MARCHF8: variants seen among roughly 807,000 people sequenced by gnomAD.
The protein encoded by MARCHF8 is membrane associated ring-CH-type finger 8.
A neutral mutation model predicts 51.6 loss-of-function variants in MARCHF8; 40 were observed. That is an observed-to-expected ratio of 0.77 (90% CI 0.60 to 1.01). The LOEUF is 1.01. MARCHF8 is among the 50% of genes least tolerant of loss of function. The probability of loss-of-function intolerance (pLI) is 0.00; values close to 1 mark genes in which losing one functional copy is unlikely to be tolerated. For missense variants in MARCHF8, 685 were observed against 708.6 expected (o/e 0.97, Z 0.38); for synonymous variants, 263 against 280.3 (o/e 0.94, Z 0.62).
intron 1 of MARCHF8, chr10:45,553,273 A>G (rs563232755): frequency 6.6e-5 from 10 of 152,310 alleles, no homozygotes; most frequent in African/African-American, 1.7e-4. Context: ...GATGTTCCTA[A>G]AGTCTCAATC....
chr10:45,563,096 A>G (rs767747268), intron 1 of MARCHF8, among the ~76,000 whole-genome samples: 1 of 152,020 alleles, frequency 6.6e-6, no homozygotes, highest in Non-Finnish European at 1.5e-5. Context: ...GCACCATCAT[A>G]GCTCACTGCA....
rs371955162 is a variant in MARCHF8 at position 45,478,155 on chromosome 10, G to C, written c.153+11212C>G. On this transcript the variant is annotated intron_variant, in intron 3 of 7. Coordinates refer to ENST00000453424, the MANE Select transcript of MARCHF8 (RefSeq NM_001282866.2). ...ATTCTTCAGGATAGGCCACAGGTTA[G>C]GACACAAAACAAGTCTCAACAAAGT... Among the ~76,000 whole-genome samples, 7 of 152,246 alleles carry C rather than the reference G, an allele frequency of 4.6e-5. No homozygotes were observed. In the East Asian group the frequency reaches 1.3e-3, roughly 29 times the overall value.
In MARCHF8 at chr10:45,468,144, G is replaced by A. The variant is rs187555092; in HGVS notation, c.154-3817C>T. Among the ~76,000 whole-genome samples the A allele has an allele frequency of 3.9e-5, 6 of 152,242 alleles. No individual in the cohort carries two copies. The East Asian group carries it at 1.2e-3, about 29-fold the overall frequency. On this transcript the variant is annotated intron_variant, in intron 3 of 7. Coordinates refer to ENST00000453424, the MANE Select transcript of MARCHF8 (RefSeq NM_001282866.2). ...TTTTGCTACATCCAAGTCTTTTAGT[G>A]GCTGGCTTTGTTATCAAATTCACCA...
intron 1 of MARCHF8, among the ~76,000 whole-genome samples, chr10:45,544,676 A>C (rs1247743312): frequency 6.6e-6 from 1 of 152,196 alleles, no homozygotes; most frequent in Non-Finnish European, 1.5e-5. Flanking sequence ...CAGATCAGTG[A>C]TTGCCTCATG....
chr10:45,585,487 C>T (rs1490346497), intron 1 of MARCHF8, among the ~76,000 whole-genome samples: 1 of 152,134 alleles, frequency 6.6e-6, no homozygotes, highest in Non-Finnish European at 1.5e-5. Flanking sequence ...AGTTTACCCA[C>T]AATACAATTC....
upstream of MARCHF8, among the ~76,000 whole-genome samples, chr10:45,539,384 C>T (rs1000478742): frequency 7.2e-5 from 11 of 152,162 alleles, no homozygotes; most frequent in Non-Finnish European, 1.3e-4. Context: ...CTAAAATTGA[C>T]ACCTTAACAT....
Position 45,459,795 on chromosome 10 carries a change from T to C in MARCHF8, c.1270-528A>G, listed in dbSNP as rs979733318. 2.8e-5 allele frequency: 28 copies of C among 985,348 alleles called. No individual in the cohort carries two copies. The African/African-American group carries it at 3.5e-4, about 12-fold the overall frequency. The allele number at this position is 985,348 out of a possible 1,614,324, so 61.0% of individuals were successfully genotyped here. The stretch of plus-strand genomic sequence containing the variant: ...GCTCGAAATCGACGCTAAGAGTTCC[T>C]GGTACAAGCAGACTCTGCTAGTCCC... On this transcript the variant is annotated intron_variant, in intron 6 of 7. Coordinates refer to ENST00000453424, the MANE Select transcript of MARCHF8 (RefSeq NM_001282866.2).
intron 2 of MARCHF8, among the ~76,000 whole-genome samples, chr10:45,514,502 A>C (rs2043587591): frequency 6.6e-6 from 1 of 152,260 alleles, no homozygotes; most frequent in Non-Finnish European, 1.5e-5. Context: ...TGGACTTGTG[A>C]GGGCTTGCTG....
intron 6 of MARCHF8, 147 bp from the exon 7 acceptor site, chr10:45,459,414 A>C (rs1842717420): frequency 2.1e-6 from 2 of 966,450 alleles, no homozygotes; most frequent in Admixed American, 3.3e-5. Context: ...GTTCTCCTAA[A>C]ACCACTTGGC....
At chr10:45,584,685 ATAGAG>A (rs2044599562) in intron 1 of MARCHF8, among the ~76,000 whole-genome samples, 1 of 152,210 alleles carries the variant, frequency 6.6e-6, no homozygotes, top group Non-Finnish European at 1.5e-5. Flanking sequence ...CGGAGATAAA[ATAGAG>A]TAATCTAGAT....
At chr10:45,480,083 T>C (rs1419706457) in intron 3 of MARCHF8, among the ~76,000 whole-genome samples, 1 of 152,208 alleles carries the variant, frequency 6.6e-6, no homozygotes, top group African/African-American at 2.4e-5. Context: ...AAGGTGACTC[T>C]TGCTATGTTT....
intron 1 of MARCHF8, among the ~76,000 whole-genome samples, chr10:45,547,622 G>GT (rs2044143695): frequency 2.0e-5 from 3 of 152,000 alleles, no homozygotes. Flanking sequence ...CGGTTTTTTT[G>GT]TTTTTTGTTT....
At chr10:45,531,854 T>G (rs186966969) in intron 2 of MARCHF8, among the ~76,000 whole-genome samples, 15 of 152,204 alleles carry the variant, frequency 9.9e-5, no homozygotes, top group Admixed American at 8.5e-4. Flanking sequence ...AGCAAAAGAT[T>G]TTGGGTTGAA....
At chr10:45,527,458 G>C (rs2043812037) in intron 2 of MARCHF8, among the ~76,000 whole-genome samples, 1 of 151,914 alleles carries the variant, frequency 6.6e-6, no homozygotes, top group Non-Finnish European at 1.5e-5. Flanking sequence ...AAATACAAAA[G>C]ATCATCAGAG....
intron 1 of MARCHF8, among the ~76,000 whole-genome samples, chr10:45,578,110 G>A (rs1004778940): frequency 6.6e-6 from 1 of 152,150 alleles, no homozygotes; most frequent in African/African-American, 2.4e-5. Context: ...TGGCCACTGA[G>A]TAGGCCTAGA....
Position 45,456,567 on chromosome 10 carries a change from G to A in MARCHF8, c.*1672C>T, listed in dbSNP as rs1163181227. The A allele has an allele frequency of 6.6e-6, 1 of 152,138 alleles. No individual in the cohort carries two copies. Among genetic ancestry groups the A allele is most frequent in the Non-Finnish European group, 1.5e-5 (1 of 68,076 alleles). The allele number at this position is 152,138 out of a possible 1,614,324, so 9.4% of individuals were successfully genotyped here. ...CTCTGAAAGGCAAAGGAATCACCTC[G>A]TGTTTGCTTCATCCCCTTAGCAGGA... On this transcript the variant is annotated 3_prime_UTR_variant, in exon 8 of 8. Coordinates refer to ENST00000453424, the MANE Select transcript of MARCHF8 (RefSeq NM_001282866.2).
rs149004940 is a variant in MARCHF8 at position 45,463,651 on chromosome 10, C to T, written c.588G>A (p.Arg196=). The change falls in exon 5 of 8, where the codon AGG becomes AGA. Residue 196 remains arginine, a synonymous_variant. Transcript: ENST00000453424. Reference sequence around the variant, plus strand: ...GGGTTCTTTTTTCTTTATGATGAAACCTGTTAGTTCTGAGACACGTATCTT... The same window carrying T: ...GGGTTCTTTTTTCTTTATGATGAAATCTGTTAGTTCTGAGACACGTATCTT... ...LPQDTCLRTN[R]FHHKEKRTLN... is the part of the protein sequence containing the mutation. 1.9e-6 allele frequency: 3 copies of T among 1,550,694 alleles called. No homozygotes were observed. Among genetic ancestry groups the T allele is most frequent in the Non-Finnish European group, 2.6e-6 (3 of 1,147,024 alleles).
chr10:45,459,109 T>C lies in MARCHF8; in HGVS notation c.1417+11A>G, dbSNP rs754024649. The C allele has an allele frequency of 1.9e-6, 3 of 1,613,716 alleles. No individual in the cohort carries two copies. Among genetic ancestry groups the C allele is most frequent in the Non-Finnish European group, 1.7e-6 (2 of 1,179,938 alleles). ...CCCCCATGCTGAGCTTGCTCCAGCCTGAGAACTCACCTGTTGCCTGCCCCT... is the reference window on the plus strand; with the variant it reads ...CCCCCATGCTGAGCTTGCTCCAGCCCGAGAACTCACCTGTTGCCTGCCCCT... On this transcript the variant is annotated intron_variant, in intron 7 of 7. Coordinates refer to ENST00000453424, the MANE Select transcript of MARCHF8 (RefSeq NM_001282866.2).
intron 2 of MARCHF8, among the ~76,000 whole-genome samples, chr10:45,512,210 GC>G (rs1463865877): frequency 3.4e-5 from 5 of 148,980 alleles, no homozygotes; most frequent in Non-Finnish European, 7.4e-5. Flanking sequence ...CCTGGCAACC[GC>G]CCCGTCTGAG....
Sources: allele counts gnomAD v4.1 joint callset (sites outside exome capture counted in the v4.1 genomes callset), GRCh38; gene constraint gnomAD v4.1.1; transcripts MANE v1.5; gene names NCBI Gene and HGNC (gene_info 2026-07-23, HGNC 2026-07-21).